INVS: variants seen among roughly 807,000 people sequenced by gnomAD.
The protein encoded by INVS is inversin.
In INVS, 86 loss-of-function variants were observed where a neutral mutation model predicts 108.8. The observed-to-expected ratio is 0.79, with a 90% CI of 0.66 to 0.95. The LOEUF is 0.95. Among genes scored for constraint, INVS ranks in the 40% least tolerant of loss-of-function variants. The pLI is 0.00. For missense variants in INVS, 1,169 were observed against 1,297.4 expected (o/e 0.90, Z 1.52); for synonymous variants, 455 against 473.5 (o/e 0.96, Z 0.51).
intron 3 of INVS, chr9:100,175,564 G>C: frequency 2.8e-6 from 2 of 723,334 alleles, no homozygotes; most frequent in South Asian, 1.4e-5. Flanking sequence ...GTTAAGACTT[G>C]GTTCCAGAAC....
At chr9:100,102,355 A>G (rs1303891614) in intron 1 of INVS, among the ~76,000 whole-genome samples, 1 of 152,160 alleles carries the variant, frequency 6.6e-6, no homozygotes, top group African/African-American at 2.4e-5. Context: ...AGGTTCTTAC[A>G]AGCTCCATGA....
intron 13 of INVS, among the ~76,000 whole-genome samples, chr9:100,285,289 C>T (rs1455472449): frequency 2.0e-5 from 3 of 152,222 alleles, no homozygotes; most frequent in Non-Finnish European, 2.9e-5. Flanking sequence ...AATCCACTGT[C>T]ATTCAAATTG....
At chr9:100,180,392 A>G (rs1261295463) in intron 3 of INVS, among the ~76,000 whole-genome samples, 1 of 152,128 alleles carries the variant, frequency 6.6e-6, no homozygotes, top group African/African-American at 2.4e-5. Context: ...CCAGACTAAT[A>G]AAGAAGAAAA....
chr9:100,144,936 C>T (rs1049953216), intron 3 of INVS, among the ~76,000 whole-genome samples: 6 of 152,078 alleles, frequency 3.9e-5, no homozygotes, highest in Non-Finnish European at 8.8e-5. Context: ...AATGCCTGGA[C>T]GTCAGGCACC....
chr9:100,108,376 C>G (rs1381283309), intron 2 of INVS, among the ~76,000 whole-genome samples: 1 of 152,110 alleles, frequency 6.6e-6, no homozygotes, highest in Admixed American at 6.5e-5. Flanking sequence ...GGTGCCACTC[C>G]TCATCTTTTA....
intron 2 of INVS, among the ~76,000 whole-genome samples, chr9:100,109,855 C>T (rs763480487): frequency 1.6e-4 from 25 of 152,114 alleles, no homozygotes; most frequent in African/African-American, 2.2e-4. Flanking sequence ...TTAGTAGAGA[C>T]GGGGTTTCTC....
At chr9:100,183,691 T>C (rs1453433340) in intron 3 of INVS, among the ~76,000 whole-genome samples, 3 of 149,018 alleles carry the variant, frequency 2.0e-5, no homozygotes, top group South Asian at 2.1e-4. Context: ...CTCGGGAGGC[T>C]GAGGCATGAG....
intron 3 of INVS, among the ~76,000 whole-genome samples, chr9:100,142,530 C>A (rs1344198165): frequency 6.6e-6 from 1 of 152,062 alleles, no homozygotes; most frequent in Admixed American, 6.6e-5. Context: ...GAGATACAGT[C>A]ATGAGGGTCA....
intron 3 of INVS, among the ~76,000 whole-genome samples, chr9:100,216,576 G>C (rs966516216): frequency 1.3e-5 from 2 of 152,202 alleles, no homozygotes; most frequent in African/African-American, 4.8e-5. Context: ...ATTAGGCAAG[G>C]TTTTGCATTC....
chr9:100,116,848 C>T (rs576276308), intron 2 of INVS: 1 of 1,251,150 alleles, frequency 8.0e-7, no homozygotes, highest in East Asian at 2.3e-5. Flanking sequence ...GACAGGGAGA[C>T]TTGGTAAATA....
At chr9:100,269,275 A>G (rs1305492777) in intron 11 of INVS, among the ~76,000 whole-genome samples, 4 of 152,198 alleles carry the variant, frequency 2.6e-5, no homozygotes, top group South Asian at 2.1e-4. Context: ...CTAAAATTCA[A>G]TTTAGCTCTA....
At chr9:100,117,157 C>T (rs549817883) in intron 2 of INVS, 97 of 1,219,412 alleles carry the variant, frequency 8.0e-5, no homozygotes, top group Non-Finnish European at 2.3e-6. Context: ...CAATGGAGAG[C>T]TTGGCCAGGA....
At chr9:100,257,311 A>G (rs926412334) in intron 10 of INVS, among the ~76,000 whole-genome samples, 1 of 152,094 alleles carries the variant, frequency 6.6e-6, no homozygotes, top group Non-Finnish European at 1.5e-5. Flanking sequence ...GTCTCTGCAC[A>G]TGAGATGGGT....
At chr9:100,244,822 A>T (rs1182399493) in intron 7 of INVS, among the ~76,000 whole-genome samples, 1 of 152,228 alleles carries the variant, frequency 6.6e-6, no homozygotes, top group East Asian at 1.9e-4. Flanking sequence ...GCAAATTAGT[A>T]AAAGAAAACA....
intron 10 of INVS, among the ~76,000 whole-genome samples, chr9:100,258,781 T>G (rs1227580174): frequency 1.3e-5 from 2 of 152,202 alleles, no homozygotes; most frequent in Non-Finnish European, 2.9e-5. Context: ...CTCTGGAAGC[T>G]TCGTCTCAGA....
At chr9:100,209,694 T>C (rs1446759461) in intron 3 of INVS, among the ~76,000 whole-genome samples, 1 of 140,494 alleles carries the variant, frequency 7.1e-6, no homozygotes, top group African/African-American at 2.7e-5. Flanking sequence ...GGCATGAACC[T>C]GGAAGGCAGA....
chr9:100,153,444 A>G (rs1828870824), intron 3 of INVS, among the ~76,000 whole-genome samples: 2 of 152,198 alleles, frequency 1.3e-5, no homozygotes, highest in African/African-American at 2.4e-5. Flanking sequence ...AAATATGCTC[A>G]ATATTGTTCG....
At position 100,119,422 on chromosome 9, in the gene INVS, C is replaced by A. The variant is rs1827654242; in HGVS notation, c.107-6961C>A. On this transcript the variant is annotated intron_variant, in intron 2 of 16. Transcript: ENST00000262457. ...CAAACAACAAACATTTATTACTTCA[C>A]AGTTTCTGTATGTCAGGAATCTAGA... 4.6e-5 allele frequency among the ~76,000 whole-genome samples: 7 copies of A among 152,334 alleles called. No homozygotes were observed. The South Asian group carries it at 1.4e-3, about 32-fold the overall frequency.
At position 100,253,055 on chromosome 9, in the gene INVS, G is replaced by C. The variant is rs373961608; in HGVS notation, c.1383G>C (p.Gln461His). ...VQDYAGRTPL[Q>H]CAAYGGYINC... ...ATTATGCAGGAAGAACCCCTTTGCA[G>C]TGTGCAGCATATGGAGGCTATATCA... Residue 461 changes from glutamine to histidine, a missense_variant, in exon 10 of 17, where the codon CAG becomes CAC. Physicochemically the swap from Gln to His is conservative, Grantham distance 24. Coordinates refer to ENST00000262457, the MANE Select transcript of INVS (RefSeq NM_014425.5). The C allele has an allele frequency of 1.2e-6, 2 of 1,613,842 alleles. No homozygotes were observed. The highest frequency in any genetic ancestry group is 2.7e-5 in the African/African-American group (2 of 74,916).
Sources: allele counts gnomAD v4.1 joint callset (sites outside exome capture counted in the v4.1 genomes callset), GRCh38; gene constraint gnomAD v4.1.1; transcripts MANE v1.5; gene names NCBI Gene and HGNC (gene_info 2026-07-23, HGNC 2026-07-21).